The following PCDH15 variants were observed in gnomAD, a reference collection of about 807,000 sequenced individuals.
PCDH15 encodes protocadherin related 15.
PCDH15 carries 129 observed loss-of-function variants against 178.5 expected under a neutral mutation model. The ratio of observed to expected loss-of-function variants is 0.72; its 90% confidence interval spans 0.63 to 0.84. The LOEUF is 0.84. Among genes scored for constraint, PCDH15 ranks in the 40% least tolerant of loss-of-function variants. The pLI is 0.00. For missense variants in PCDH15, 2,230 were observed against 2,099.9 expected (o/e 1.06, Z -1.21); for synonymous variants, 800 against 732.0 (o/e 1.09, Z -1.50).
At chr10:55,295,993 C>A (rs1843121899) in intron 1 of PCDH15, among the ~76,000 whole-genome samples, 1 of 152,180 alleles carries the variant, frequency 6.6e-6, no homozygotes, top group African/African-American at 2.4e-5. Flanking sequence ...GGGGTTCCCA[C>A]AACCCTCTTC....
chr10:54,883,475 T>A lies in PCDH15; in HGVS notation c.-29+13975A>T, dbSNP rs116059930. ...ATTTAGTTCAGTTTGGAGAATTTCC[T>A]CCAGGTGACATGAAAGAGATAAATA... On this transcript the variant is annotated intron_variant, in intron 3 of 5. Coordinates refer to the PCDH15 transcript ENST00000458638. Among the ~76,000 whole-genome samples, 1,159 of 152,090 alleles carry A rather than the reference T, an allele frequency of 7.6e-3. 15 individuals are homozygous for A. The highest frequency in any genetic ancestry group is 0.027 in the African/African-American group (1,111 of 41,554).
intron 10 of PCDH15, among the ~76,000 whole-genome samples, chr10:54,200,048 A>G (rs1405559273): frequency 6.6e-6 from 1 of 152,180 alleles, no homozygotes; most frequent in Non-Finnish European, 1.5e-5. Flanking sequence ...AGCACCTTGT[A>G]ACGGAGGACT....
chr10:54,237,805 T>C (rs1393881487), intron 8 of PCDH15, among the ~76,000 whole-genome samples: 1 of 151,966 alleles, frequency 6.6e-6, no homozygotes, highest in Non-Finnish European at 1.5e-5. Flanking sequence ...TGAAAAATAA[T>C]AAAAAGCTTA....
At chr10:55,598,535 T>C (rs1454788850) in intron 2 of PCDH15, among the ~76,000 whole-genome samples, 1 of 36,610 alleles carries the variant, frequency 2.7e-5, no homozygotes, top group Non-Finnish European at 4.5e-5. Flanking sequence ...TATATATATA[T>C]ATATATATAT....
At chr10:53,943,864 A>T (rs892988713) in intron 23 of PCDH15, among the ~76,000 whole-genome samples, 3 of 152,126 alleles carry the variant, frequency 2.0e-5, no homozygotes, top group African/African-American at 7.2e-5. Flanking sequence ...TAAAAATATC[A>T]ATTATTTTCT....
intron 8 of PCDH15, among the ~76,000 whole-genome samples, chr10:54,245,510 G>C (rs1000188397): frequency 6.6e-6 from 1 of 152,062 alleles, no homozygotes; most frequent in African/African-American, 2.4e-5. Flanking sequence ...ATACATCTTT[G>C]GTCGATTGCT....
chr10:55,196,689 T>G (rs1308856782), intron 1 of PCDH15, among the ~76,000 whole-genome samples: 2 of 152,076 alleles, frequency 1.3e-5, no homozygotes, highest in Non-Finnish European at 2.9e-5. Flanking sequence ...GGTAATCGCT[T>G]GGCACTTCTC....
At chr10:54,065,887 T>A (rs2094127865) in intron 18 of PCDH15, among the ~76,000 whole-genome samples, 1 of 152,158 alleles carries the variant, frequency 6.6e-6, no homozygotes, top group Non-Finnish European at 1.5e-5. Context: ...AAAAATCAGA[T>A]CTTGTGCCTG....
chr10:54,248,625 G>A (rs570957551), intron 8 of PCDH15, among the ~76,000 whole-genome samples: 1 of 152,164 alleles, frequency 6.6e-6, no homozygotes, highest in Admixed American at 6.5e-5. Flanking sequence ...CAGTATCAGG[G>A]ATGGGGATTC....
chr10:54,183,324 T>C, intron 13 of PCDH15, 120 bp downstream of exon 13: 1 of 991,372 alleles, frequency 1.0e-6, no homozygotes, highest in Non-Finnish European at 1.6e-6. Context: ...AAACTAATTA[T>C]GCTATACAAT....
intron 1 of PCDH15, among the ~76,000 whole-genome samples, chr10:55,220,256 TA>T (rs964114907): frequency 2.6e-5 from 4 of 152,044 alleles, no homozygotes; most frequent in African/African-American, 9.7e-5. Flanking sequence ...CCAAACGAGA[TA>T]ACCTGATGTT....
intron 18 of PCDH15, among the ~76,000 whole-genome samples, chr10:54,028,795 G>C (rs1432449517): frequency 4.0e-4 from 3 of 7,458 alleles, no homozygotes; most frequent in Non-Finnish European, 9.6e-4. Flanking sequence ...TTGTGGGGTG[G>C]GGGGAGGGGG....
intron 1 of PCDH15, among the ~76,000 whole-genome samples, chr10:55,310,835 G>A (rs918206667): frequency 6.6e-6 from 1 of 151,794 alleles, no homozygotes; most frequent in African/African-American, 2.4e-5. Flanking sequence ...GAGAACACAT[G>A]GACACAGGGA....
rs138036679 is a variant in PCDH15 at position 55,229,705 on chromosome 10, G to C, written c.-155-63054C>G. Among the ~76,000 whole-genome samples the C allele has an allele frequency of 2.8e-3, 427 of 151,978 alleles. 3 individuals carry two copies. Among genetic ancestry groups the C allele is most frequent in the African/African-American group, 9.8e-3 (407 of 41,426 alleles). On this transcript the variant is annotated intron_variant, in intron 1 of 5. Transcript: ENST00000458638. ...TTCAAACATTGTATAGACCAATCCA[G>C]TAAATGAAAAATAAATCCTGCAGGC...
At chr10:54,454,703 C>T (rs1183338769) in intron 3 of PCDH15, among the ~76,000 whole-genome samples, 1 of 152,070 alleles carries the variant, frequency 6.6e-6, no homozygotes, top group Non-Finnish European at 1.5e-5. Flanking sequence ...AAAAGAAACC[C>T]AGACACACAT....
At chr10:53,976,146 A>AC (rs1390246856) in intron 21 of PCDH15, among the ~76,000 whole-genome samples, 1 of 152,154 alleles carries the variant, frequency 6.6e-6, no homozygotes, top group African/African-American at 2.4e-5. Context: ...TTGTACCAGT[A>AC]CCGTGTTGTT....
At chr10:53,878,105 C>A (rs2133297362) in intron 26 of PCDH15, among the ~76,000 whole-genome samples, 1 of 149,790 alleles carries the variant, frequency 6.7e-6, no homozygotes, top group Middle Eastern at 3.5e-3. Context: ...TCTTTGTATA[C>A]ATTGTTTCTT....
intron 2 of PCDH15, among the ~76,000 whole-genome samples, chr10:54,592,705 C>T (rs1590335630): frequency 6.6e-6 from 1 of 152,238 alleles, no homozygotes; most frequent in East Asian, 1.9e-4. Flanking sequence ...TGAATAAAGA[C>T]TCAGAAGTGG....
At position 55,346,271 on chromosome 10, in the gene PCDH15, G is replaced by C. The variant is rs939710617; in HGVS notation, c.-155-179620C>G. Among the ~76,000 whole-genome samples, 4 of 152,084 alleles carry C rather than the reference G, an allele frequency of 2.6e-5. No individual in the cohort carries two copies. In the South Asian group the frequency reaches 8.3e-4, roughly 32 times the overall value. On this transcript the variant is annotated intron_variant, in intron 2 of 5. Transcript: ENST00000613346. Reference sequence around the variant, plus strand: ...AACAAATCTGTTGGTCTCAAATATAGAAGTGTTGCATGTGTACACATTGCA... The same window carrying C: ...AACAAATCTGTTGGTCTCAAATATACAAGTGTTGCATGTGTACACATTGCA...
Sources: gnomAD v4.1 joint callset for allele counts (sites outside exome capture counted in the v4.1 genomes callset) on GRCh38, gnomAD v4.1.1 for gene constraint, MANE v1.5 for transcripts, NCBI Gene and HGNC (gene_info 2026-07-23, HGNC 2026-07-21) for gene names.